Variants in ABCC3 observed in about 807,000 individuals in gnomAD.
ABCC3 encodes ATP binding cassette subfamily C member 3, also known as ATP-binding cassette sub-family C member 3.
Under a neutral mutation model 165.3 loss-of-function variants are expected in ABCC3, and 121 were observed. The observed-to-expected ratio is 0.73, with a 90% CI of 0.63 to 0.85. The LOEUF (loss-of-function observed/expected upper bound fraction) is 0.85, where lower values mean the gene tolerates loss of function less well. Among genes scored for constraint, ABCC3 ranks in the 40% least tolerant of loss-of-function variants. The probability of loss-of-function intolerance (pLI) is 0.00; values close to 1 mark genes in which losing one functional copy is unlikely to be tolerated. For missense variants in ABCC3, 1,869 were observed against 1,964.1 expected, an observed-to-expected ratio of 0.95 and a Z score of 0.92; for synonymous variants, 733 against 810.1, an observed-to-expected ratio of 0.90 and a Z score of 1.62.
intron 17 of ABCC3, among the ~76,000 whole-genome samples, chr17:50,671,246 C>A (rs1220289430): frequency 6.9e-6 from 1 of 145,940 alleles, no homozygotes; most frequent in Non-Finnish European, 1.5e-5. Context: ...GGCGACAGAG[C>A]AAGACTCTGT....
intron 7 of ABCC3, 132 bp from the exon 8 acceptor site, chr17:50,660,791 C>A (rs2146610871): frequency 4.1e-4 from 225 of 549,110 alleles, no homozygotes; most frequent in Middle Eastern, 6.0e-4. Flanking sequence ...GCTGTCTGTT[C>A]CCCTCCCAGC....
At position 50,665,235 on chromosome 17, in the gene ABCC3, G is replaced by T; in HGVS notation, c.1421G>T (p.Arg474Leu). Residue 474 changes from arginine to leucine, a missense_variant, in exon 11 of 31, where the codon CGC (arginine) becomes CTC (leucine). Coordinates refer to ENST00000285238, the MANE Select transcript of ABCC3 (RefSeq NM_003786.4). Reference protein sequence around the residue: ...PLNGAVAVKMRAFQVKQMKLK... With the variant: ...PLNGAVAVKMLAFQVKQMKLK... ...AACGGAGCTGTGGCCGTGAAGATGC[G>T]CGCCTTCCAGGTAGGTGCTGTCAGA... 6.2e-7 allele frequency: 1 copy of T among 1,613,988 alleles called. No individual in the cohort carries two copies. Among genetic ancestry groups the T allele is most frequent in the Non-Finnish European group, 8.5e-7 (1 of 1,179,972 alleles).
At chr17:50,654,035 G>T (rs1219438522) in intron 1 of ABCC3, among the ~76,000 whole-genome samples, 2 of 152,142 alleles carry the variant, frequency 1.3e-5, no homozygotes, top group East Asian at 3.8e-4. Flanking sequence ...ATGTAAGGAG[G>T]CAGCTTAAGG....
Position 50,675,767 on chromosome 17 carries a change from A to G in ABCC3, c.2851A>G (p.Ile951Val), listed in dbSNP as rs375763222. ...ACTGACCCAGGAGGAGAAAGCAGCC[A>G]TTGGCACTGTGAGTCGGTGGGGCAA... ...GALTQEEKAA[I>V]GTVELSVFWD... The change falls in exon 21 of 31, where the codon ATT (isoleucine) becomes GTT (valine). Residue 951 changes from isoleucine (I) to valine (V), a missense_variant. Physicochemically the swap from Ile to Val is conservative, Grantham distance 29. Transcript: ENST00000285238. 29 of 1,569,792 alleles carry G rather than the reference A, an allele frequency of 1.8e-5. No individual in the cohort carries two copies. In the African/African-American group the frequency reaches 3.8e-4, roughly 21 times the overall value.
intron 7 of ABCC3, among the ~76,000 whole-genome samples, chr17:50,660,179 C>T (rs1967344112): frequency 6.6e-6 from 1 of 152,102 alleles, no homozygotes; most frequent in African/African-American, 2.4e-5. Context: ...CACACCCCTG[C>T]CAATTCTGCC....
intron 20 of ABCC3, 67 bp from the exon 21 acceptor site, chr17:50,675,564 A>C: frequency 2.6e-6 from 4 of 1,560,678 alleles, no homozygotes; most frequent in Middle Eastern, 2.0e-4. Flanking sequence ...TCTCCCTGAC[A>C]CTCCCAGCCT....
chr17:50,636,958 G>A (rs886129026), intron 1 of ABCC3, among the ~76,000 whole-genome samples: 4 of 152,194 alleles, frequency 2.6e-5, no homozygotes, highest in African/African-American at 4.8e-5. Context: ...CTGGGAAACC[G>A]GACCCCGGGG....
intron 1 of ABCC3, among the ~76,000 whole-genome samples, chr17:50,654,818 C>T (rs1334175634): frequency 2.0e-5 from 3 of 152,100 alleles, no homozygotes; most frequent in Non-Finnish European, 4.4e-5. Flanking sequence ...GAGGGCCAGG[C>T]GCAGTGGCTC....
intron 29 of ABCC3, 96 bp downstream of exon 29, chr17:50,684,971 G>A (rs1442324494): frequency 1.4e-6 from 2 of 1,405,470 alleles, no homozygotes; most frequent in African/African-American, 1.4e-5. Context: ...CAGAGATGAG[G>A]CCAGCCCGGA....
intron 1 of ABCC3, among the ~76,000 whole-genome samples, chr17:50,644,890 C>T (rs1418226949): frequency 6.6e-6 from 1 of 152,130 alleles, no homozygotes; most frequent in Non-Finnish European, 1.5e-5. Context: ...TGGTGGCGGG[C>T]GCCTGTAGTC....
chr17:50,645,602 G>A (rs1966990236), intron 1 of ABCC3, among the ~76,000 whole-genome samples: 1 of 151,966 alleles, frequency 6.6e-6, no homozygotes, highest in African/African-American at 2.4e-5. Context: ...ATGTGTGTGT[G>A]TGTATTTTTT....
Position 50,655,946 on chromosome 17 carries a change from C to A in ABCC3, c.160C>A (p.Leu54Ile), listed in dbSNP as rs371251448. The change falls in exon 2 of 31, where the codon CTC (leucine) becomes ATC (isoleucine). Residue 54 changes from leucine (L) to isoleucine (I), a missense_variant. Physicochemically the swap from Leu to Ile is conservative, Grantham distance 5 (BLOSUM62 2). Transcript: ENST00000285238. ...GTGGGTCGCCCTGCCCTGCTACTTG[C>A]TCTACCTGCGGCACCATTGTCGTGG... ...YLWVALPCYLLYLRHHCRGYI... is the reference protein window; with the variant it reads ...YLWVALPCYLIYLRHHCRGYI... 3 of 1,613,978 alleles carry A rather than the reference C, an allele frequency of 1.9e-6. No homozygotes were observed. Among genetic ancestry groups the A allele is most frequent in the Non-Finnish European group, 2.5e-6 (3 of 1,179,982 alleles).
Position 50,634,961 on chromosome 17 carries a change from G to A in ABCC3, c.25G>A (p.Glu9Lys), listed in dbSNP as rs2054164401. Residue 9 changes from glutamate (E) to lysine (K), a missense_variant, in exon 1 of 31, where the codon GAG (glutamate) becomes AAG (lysine). Glu to Lys is a moderately conservative substitution (Grantham distance 56). Transcript: ENST00000285238. ...CATGGACGCCCTGTGCGGTTCCGGGGAGCTCGGCTCCAAGTTCTGGGTAAG... is the reference window on the plus strand; with the variant it reads ...CATGGACGCCCTGTGCGGTTCCGGGAAGCTCGGCTCCAAGTTCTGGGTAAG... Reference protein sequence around the residue: MDALCGSGELGSKFWDSNL... With the variant: MDALCGSGKLGSKFWDSNL... 8 of 1,261,232 alleles carry A rather than the reference G, an allele frequency of 6.3e-6. No individual in the cohort carries two copies. The South Asian group carries it at 2.0e-4, about 32-fold the overall frequency. 78.1% of individuals were successfully genotyped at this position (1,261,232 alleles called of 1,614,324 possible).
intron 8 of ABCC3, 199 bp from the exon 9 acceptor site, chr17:50,663,482 G>A (rs1454639939): frequency 1.1e-5 from 7 of 612,934 alleles, no homozygotes; most frequent in Admixed American, 2.9e-5. Context: ...AGAGAACGAG[G>A]TGAAGGCAGA....
chr17:50,664,258 G>C (rs1967470240), intron 10 of ABCC3, 147 bp downstream of exon 10: 1 of 1,128,882 alleles, frequency 8.9e-7, no homozygotes, highest in African/African-American at 1.5e-5. Flanking sequence ...TTGAGCCCAA[G>C]AGTTCTGGCT....
chr17:50,682,718 G>C (rs1047744461), intron 26 of ABCC3, among the ~76,000 whole-genome samples: 4 of 152,146 alleles, frequency 2.6e-5, no homozygotes, highest in Admixed American at 2.6e-4. Context: ...ATCACTTCTT[G>C]CGTTGTATAG....
rs1968113516 is a variant in ABCC3, at chr17:50,690,998, G to A, written c.4476-94G>A. ...GTGTTGGGTGGGTTGGCATGTCACTGTGGGCCTGAGCAAGTACCCAGAAGA... is the reference window on the plus strand; with the variant it reads ...GTGTTGGGTGGGTTGGCATGTCACTATGGGCCTGAGCAAGTACCCAGAAGA... On this transcript the variant is annotated intron_variant, in intron 30 of 30. Transcript: ENST00000285238. The A allele has an allele frequency of 1.1e-5, 10 of 937,352 alleles. No individual in the cohort carries two copies. The East Asian group carries it at 2.3e-4, about 22-fold the overall frequency. 58.1% of individuals were successfully genotyped at this position (937,352 alleles called of 1,614,324 possible).
chr17:50,687,098 G>A (rs567585821), intron 29 of ABCC3, among the ~76,000 whole-genome samples: 1 of 152,308 alleles, frequency 6.6e-6, no homozygotes, highest in African/African-American at 2.4e-5. Flanking sequence ...TGGGGTGGGA[G>A]GTGACTGCCT....
intron 26 of ABCC3, among the ~76,000 whole-genome samples, chr17:50,680,229 G>C (rs1967904367): frequency 6.6e-6 from 1 of 152,164 alleles, no homozygotes; most frequent in South Asian, 2.1e-4. Context: ...GGGTGACCAG[G>C]GGAGACGAGC....
Sources: allele counts gnomAD v4.1 joint callset (sites outside exome capture counted in the v4.1 genomes callset), GRCh38; gene constraint gnomAD v4.1.1; transcripts MANE v1.5; gene names NCBI Gene and HGNC (gene_info 2026-07-23, HGNC 2026-07-21).